INTU: variants seen among roughly 807,000 people sequenced by gnomAD.
The protein encoded by INTU is inturned planar cell polarity protein.
A neutral mutation model predicts 100.5 loss-of-function variants in INTU; 68 were observed. That is an observed-to-expected ratio of 0.68 (90% confidence interval 0.56 to 0.83). The LOEUF is 0.83. Ranked by LOEUF, INTU falls within the 40% of genes least tolerant of loss-of-function variation. INTU has a pLI of 0.00. For missense variants in INTU, 1,071 were observed against 1,114.7 expected (o/e 0.96, Z 0.56); for synonymous variants, 357 against 395.7 (o/e 0.90, Z 1.16).
chr4:127,645,531 T>C, intron 2 of INTU, among the ~76,000 whole-genome samples: 1 of 151,976 alleles, frequency 6.6e-6, no homozygotes, highest in South Asian at 2.1e-4. Flanking sequence ...ATTATTGTTG[T>C]TGTTATTTTT....
At chr4:127,699,895 A>G in intron 8 of INTU, 115 bp from the exon 9 acceptor site, 1 of 631,074 alleles carries the variant, frequency 1.6e-6, no homozygotes. Context: ...AACACAAAAG[A>G]GAAAGATACT....
rs897074047 is a variant in INTU at position 127,705,462 on chromosome 4, T to C, written c.1567-129T>C. On this transcript the variant is annotated intron_variant, in intron 10 of 15. Coordinates refer to ENST00000335251, the MANE Select transcript of INTU (RefSeq NM_015693.4). ...AGAAACATTTACTTTTACTATATCT[T>C]CATTTACCCCATTTGAAACTAGAAT... 2.3e-5 allele frequency: 16 copies of C among 709,462 alleles called. No homozygotes were observed. The South Asian group carries it at 2.3e-4, about 10-fold the overall frequency. The allele number at this position is 709,462 out of a possible 1,614,324, so 43.9% of individuals were successfully genotyped here.
Position 127,718,296 on chromosome 4 carries a change from T to C in INTU, c.*1860T>C, listed in dbSNP as rs1007091854. 4 of 152,166 alleles carry C rather than the reference T, an allele frequency of 2.6e-5. No homozygotes were observed. Among genetic ancestry groups the C allele is most frequent in the African/African-American group, 9.7e-5 (4 of 41,442 alleles). The allele number at this position is 152,166 out of a possible 1,614,324, so 9.4% of individuals were successfully genotyped here. ...TTGTTGAAGATCAGATGGTTGTAGA[T>C]GTGCAATCTTATTTCTGAGTTCTCT... On this transcript the variant is annotated 3_prime_UTR_variant, in exon 16 of 16. Coordinates refer to ENST00000335251, the MANE Select transcript of INTU (RefSeq NM_015693.4).
intron 13 of INTU, among the ~76,000 whole-genome samples, chr4:127,710,292 G>T (rs1167728788): frequency 1.3e-5 from 2 of 151,734 alleles, no homozygotes; most frequent in Non-Finnish European, 2.9e-5. Context: ...TATAAAACAG[G>T]ATGTAATATA....
At chr4:127,694,828 G>A (rs1393522024) in intron 8 of INTU, among the ~76,000 whole-genome samples, 1 of 152,142 alleles carries the variant, frequency 6.6e-6, no homozygotes, top group Non-Finnish European at 1.5e-5. Flanking sequence ...GTATTTATGT[G>A]AGTATATTTG....
intron 13 of INTU, among the ~76,000 whole-genome samples, chr4:127,709,433 T>C (rs1731010872): frequency 6.6e-6 from 1 of 152,078 alleles, no homozygotes; most frequent in Non-Finnish European, 1.5e-5. Context: ...CCCATAACAC[T>C]CTCTTTAGAA....
chr4:127,656,530 C>T, intron 2 of INTU, 106 bp from the exon 3 acceptor site: 1 of 737,862 alleles, frequency 1.4e-6, no homozygotes, highest in Admixed American at 2.1e-5. Flanking sequence ...CCAGATTTCT[C>T]ACTGTACTTT....
chr4:127,643,594 G>A lies in INTU; in HGVS notation c.220G>A (p.Glu74Lys), dbSNP rs201488904. 1.2e-6 allele frequency: 2 copies of A among 1,613,166 alleles called. No individual in the cohort carries two copies. The highest frequency in any genetic ancestry group is 2.7e-5 in the African/African-American group (2 of 74,900). ...GTTTTATTTGGAATTGAGTGAGGAT[G>A]AAGAAGAAAGCCTCCTTCCTGAGAC... ...ELFYLELSED[E>K]EESLLPETPT... Residue 74 changes from glutamate (E) to lysine (K), a missense_variant, in exon 2 of 16, where the codon GAA becomes AAA. By Grantham distance (56) the Glu-to-Lys change is moderately conservative (BLOSUM62 1). Transcript: ENST00000335251.
rs376052459 is a variant in INTU at position 127,708,558 on chromosome 4, C to G, written c.2272-13C>G. ...CTTAGATATAAACTGATCTACTTAA[C>G]TATATTTTTCAGGTCACTAAAAAGA... On this transcript the variant is annotated splice_polypyrimidine_tract_variant and intron_variant, in intron 12 of 15. Transcript: ENST00000335251. 7.1e-7 allele frequency: 1 copy of G among 1,404,280 alleles called. No individual in the cohort carries two copies. Among genetic ancestry groups the G allele is most frequent in the Non-Finnish European group, 1.0e-6 (1 of 1,000,926 alleles). The allele number at this position is 1,404,280 out of a possible 1,614,324, so 87.0% of individuals were successfully genotyped here.
At chr4:127,697,067 T>A (rs1270163508) in intron 8 of INTU, among the ~76,000 whole-genome samples, 5 of 152,220 alleles carry the variant, frequency 3.3e-5, no homozygotes, top group Non-Finnish European at 1.5e-5. Context: ...CAGTGTATTT[T>A]AAAATTTCAG....
intron 14 of INTU, among the ~76,000 whole-genome samples, chr4:127,713,049 T>G (rs1393499397): frequency 6.6e-6 from 1 of 152,216 alleles, no homozygotes; most frequent in Admixed American, 6.5e-5. Flanking sequence ...GGCCAGCTTA[T>G]GCATGGCCGG....
intron 8 of INTU, among the ~76,000 whole-genome samples, chr4:127,697,637 G>A (rs1049922801): frequency 6.6e-6 from 1 of 151,988 alleles, no homozygotes; most frequent in East Asian, 1.9e-4. Context: ...TAAATAACAG[G>A]ATTTTGTTCT....
intron 3 of INTU, among the ~76,000 whole-genome samples, chr4:127,659,415 T>G (rs1454348715): frequency 1.3e-5 from 2 of 152,224 alleles, no homozygotes; most frequent in East Asian, 3.8e-4. Flanking sequence ...TGAGCAATAG[T>G]GCCATTAGGT....
At chr4:127,690,901 A>G (rs888422930) in intron 8 of INTU, among the ~76,000 whole-genome samples, 3 of 152,106 alleles carry the variant, frequency 2.0e-5, no homozygotes, top group Non-Finnish European at 2.9e-5. Flanking sequence ...GGTGGTGTAC[A>G]TTCTATAGAT....
chr4:127,721,361 C>G lies in INTU; in HGVS notation c.*4925C>G, dbSNP rs1037114835. 2 of 152,158 alleles carry G rather than the reference C, an allele frequency of 1.3e-5. No individual in the cohort carries two copies. The highest frequency in any genetic ancestry group is 4.8e-5 in the African/African-American group (2 of 41,440). The allele number at this position is 152,158 out of a possible 1,614,324, so 9.4% of individuals were successfully genotyped here. On this transcript the variant is annotated 3_prime_UTR_variant, in exon 16 of 16. Transcript: ENST00000335251. ...GTCTGCTGTTAGTCTGATGGGCTTC[C>G]CTTTATAAGTGACCTGGCCTATCTC...
intron 6 of INTU, chr4:127,676,093 T>TA (rs1729161964): frequency 5.9e-6 from 1 of 170,734 alleles, no homozygotes; most frequent in Non-Finnish European, 1.3e-5. Flanking sequence ...CAGAAAGAAA[T>TA]ATAATCCACC....
At chr4:127,709,006 C>T (rs142454526) in intron 13 of INTU, among the ~76,000 whole-genome samples, 36 of 152,132 alleles carry the variant, frequency 2.4e-4, no homozygotes, top group Admixed American at 1.6e-3. Flanking sequence ...GTGTGCTGTC[C>T]AGTTACACCT....
At chr4:127,690,812 A>T (rs560753788) in intron 8 of INTU, among the ~76,000 whole-genome samples, 1 of 152,104 alleles carries the variant, frequency 6.6e-6, no homozygotes, top group African/African-American at 2.4e-5. Flanking sequence ...CCACAGGGGT[A>T]CAGTTGTTAT....
intron 4 of INTU, among the ~76,000 whole-genome samples, chr4:127,666,269 A>G (rs1482587640): frequency 6.6e-6 from 1 of 152,034 alleles, no homozygotes; most frequent in Non-Finnish European, 1.5e-5. Context: ...TCTATTCTAG[A>G]TCTACTAGAT....
Sources: gnomAD v4.1 joint callset for allele counts (sites outside exome capture counted in the v4.1 genomes callset) on GRCh38, gnomAD v4.1.1 for gene constraint, MANE v1.5 for transcripts, NCBI Gene and HGNC (gene_info 2026-07-23, HGNC 2026-07-21) for gene names.